Variants in ARFGEF2 observed in about 807,000 individuals in gnomAD.
ARFGEF2 encodes brefeldin A-inhibited guanine nucleotide-exchange protein 2.
Under a neutral mutation model 219.9 loss-of-function variants are expected in ARFGEF2, and 74 were observed. That is an observed-to-expected ratio of 0.34 (90% CI 0.28 to 0.41). ARFGEF2 has a LOEUF of 0.41. Ranked by LOEUF, ARFGEF2 falls within the 10% of genes least tolerant of loss-of-function variation. The pLI is 1.00. For synonymous variants in ARFGEF2, 733 were observed against 799.2 expected (o/e 0.92, Z 1.40); for missense variants, 1,743 against 2,218.3 (o/e 0.79, Z 4.30).
rs2091345584 is a variant in ARFGEF2, at chr20:48,989,570, A to G, written c.2700A>G (p.Pro900=). 1 of 1,614,130 alleles carries G rather than the reference A, an allele frequency of 6.2e-7. No homozygotes were observed. Among genetic ancestry groups the G allele is most frequent in the Non-Finnish European group, 8.5e-7 (1 of 1,180,054 alleles). The change falls in exon 20 of 39, where the codon CCA becomes CCG. Residue 900 remains proline (P), a synonymous_variant. Transcript: ENST00000371917. ...VRPMFKLVWT[P]LLAAYSIGLQ... is the part of the protein sequence containing the mutation. ...TTCCATGATAGCTGGTGTGGACGCC[A>G]CTATTGGCAGCCTACAGCATCGGAC... is the stretch of plus-strand genomic sequence containing the variant.
In ARFGEF2 at chr20:49,012,058, G is replaced by A. The variant is rs139037316; in HGVS notation, c.3892G>A (p.Gly1298Ser). The A allele has an allele frequency of 1.4e-3, 2,207 of 1,614,164 alleles. 4 individuals are homozygous for A. Among genetic ancestry groups the A allele is most frequent in the Non-Finnish European group, 1.4e-3 (1,664 of 1,180,036 alleles). Residue 1298 changes from glycine (G) to serine (S), a missense_variant, in exon 28 of 39, where the codon GGC becomes AGC. Physicochemically the swap from Gly to Ser is moderately conservative, Grantham distance 56. Coordinates refer to ENST00000371917, the MANE Select transcript of ARFGEF2 (RefSeq NM_006420.3). The part of the protein sequence containing the change: ...MEAIRLIRFC[G>S]KYVSERPRVL... ...AGCGATTCGGCTCATCCGCTTCTGTGGCAAATACGTCTCTGAGAGGCCTCG... is the reference window on the plus strand; with the variant it reads ...AGCGATTCGGCTCATCCGCTTCTGTAGCAAATACGTCTCTGAGAGGCCTCG...
At chr20:48,962,690 A>AT (rs1047032286) in intron 6 of ARFGEF2, among the ~76,000 whole-genome samples, 1 of 152,104 alleles carries the variant, frequency 6.6e-6, no homozygotes, top group Admixed American at 6.6e-5. Flanking sequence ...TAACATCAGT[A>AT]TTTCCCACAC....
chr20:48,993,065 T>G (rs776060687), intron 21 of ARFGEF2, among the ~76,000 whole-genome samples: 1 of 152,112 alleles, frequency 6.6e-6, no homozygotes, highest in African/African-American at 2.4e-5. Context: ...TAAAAAAATA[T>G]ATATTTTGAA....
intron 13 of ARFGEF2, 49 bp from the exon 14 acceptor site, chr20:48,975,967 C>T (rs1489461876): frequency 1.2e-6 from 2 of 1,603,874 alleles, no homozygotes; most frequent in Non-Finnish European, 1.7e-6. Flanking sequence ...TCGGCTGTGT[C>T]TGTGTCCCAC....
rs1170087235 is a variant in ARFGEF2 at position 49,033,145 on chromosome 20, A to G, written c.5304A>G (p.Ile1768Met). The stretch of plus-strand genomic sequence containing the variant: ...TACGGATAGGTGTTGTGTATAAGAT[A>G]TGGATACCAGAAGAGCCATCACAGG... ...FFLRIGVVYKIWIPEEPSQVP... is the reference protein window; with the variant it reads ...FFLRIGVVYKMWIPEEPSQVP... Residue 1768 changes from isoleucine (I) to methionine (M), a missense_variant, in exon 39 of 39, where the codon ATA becomes ATG. Physicochemically the swap from Ile to Met is conservative, Grantham distance 10 (BLOSUM62 1). This residue lies in a region of ARFGEF2 where 578 missense variants were observed against 664.0 expected (regional missense o/e 0.87). Transcript: ENST00000371917. 6.2e-7 allele frequency: 1 copy of G among 1,614,226 alleles called. No homozygotes were observed. Among genetic ancestry groups the G allele is most frequent in the Middle Eastern group, 1.6e-4 (1 of 6,062 alleles).
chr20:48,964,428 T>A (rs1220654220), intron 7 of ARFGEF2, among the ~76,000 whole-genome samples: 1 of 152,170 alleles, frequency 6.6e-6, no homozygotes, highest in Admixed American at 6.5e-5. Flanking sequence ...ATAGTCTGAC[T>A]GTGTTAGGCT....
chr20:48,999,765 A>G (rs957866531), intron 25 of ARFGEF2, among the ~76,000 whole-genome samples: 5 of 149,570 alleles, frequency 3.3e-5, no homozygotes, highest in Non-Finnish European at 4.5e-5. Flanking sequence ...AAAAAAAAAA[A>G]AAAGAAATGT....
At chr20:48,974,744 C>T (rs2091250501) in intron 12 of ARFGEF2, 22 bp from the exon 13 acceptor site, 3 of 1,595,912 alleles carry the variant, frequency 1.9e-6, no homozygotes, top group African/African-American at 1.3e-5. Context: ...AAGTCTCTTT[C>T]CTGTGTGACT....
chr20:48,935,025 T>C (rs989642275), intron 1 of ARFGEF2, among the ~76,000 whole-genome samples: 2 of 152,250 alleles, frequency 1.3e-5, no homozygotes, highest in African/African-American at 2.4e-5. Context: ...TGTTGTTTCC[T>C]GACTTGTTAA....
intron 1 of ARFGEF2, among the ~76,000 whole-genome samples, chr20:48,923,831 GA>G (rs2090859109): frequency 6.6e-6 from 1 of 152,228 alleles, no homozygotes; most frequent in Non-Finnish European, 1.5e-5. Context: ...TCTGGGTCAT[GA>G]AGGGCCATTA....
chr20:49,033,168 A>G lies in ARFGEF2; in HGVS notation c.5327A>G (p.Gln1776Arg). 6.2e-7 allele frequency: 1 copy of G among 1,614,240 alleles called. No homozygotes were observed. Among genetic ancestry groups the G allele is most frequent in the Non-Finnish European group, 8.5e-7 (1 of 1,180,032 alleles). ...YKIWIPEEPSQVPAALSPVW is the reference protein window; with the variant it reads ...YKIWIPEEPSRVPAALSPVW ...ATATGGATACCAGAAGAGCCATCAC[A>G]GGTACCAGCAGCACTGTCACCAGTG... Residue 1776 changes from glutamine (Q) to arginine (R), a missense_variant, in exon 39 of 39, where the codon CAG becomes CGG. Gln to Arg is a conservative substitution (Grantham distance 43). Around this residue, in one of 5 missense-constraint regions of ARFGEF2, gnomAD observed 578 missense variants for 664.0 expected, o/e 0.87. Transcript: ENST00000371917.
rs1006888454 is a variant in ARFGEF2, at chr20:48,994,701, T to C, written c.3121+103T>C. The C allele has an allele frequency of 7.2e-6, 11 of 1,518,442 alleles. No individual in the cohort carries two copies. In the African/African-American group the frequency reaches 1.4e-4, roughly 19 times the overall value. 94.1% of individuals were successfully genotyped at this position (1,518,442 alleles called of 1,614,324 possible). A position where few individuals can be genotyped will look rare whatever the true frequency, so the allele number is the denominator to read the frequency against. ...ACTGTCCTGTAAACCGTCTCTTCCT[T>C]TTGTGCCATCTGACAGTGTTCATGA... On this transcript the variant is annotated intron_variant, in intron 22 of 38. Transcript: ENST00000371917.
intron 11 of ARFGEF2, 33 bp downstream of exon 11, chr20:48,972,458 C>A (rs541458589): frequency 1.3e-6 from 2 of 1,482,766 alleles, no homozygotes; most frequent in African/African-American, 1.4e-5. Flanking sequence ...ATCCACTGGA[C>A]TTCTGATGCT....
chr20:48,942,473 G>GT (rs58144046), intron 3 of ARFGEF2, among the ~76,000 whole-genome samples: 1,570 of 73,532 alleles, frequency 0.021, 145 homozygotes, highest in Non-Finnish European at 0.028. Context: ...TTCTTACTTG[G>GT]TTTTTTTTTT....
intron 20 of ARFGEF2, among the ~76,000 whole-genome samples, chr20:48,990,269 C>A (rs2123463516): frequency 6.6e-6 from 1 of 152,258 alleles, no homozygotes; most frequent in Non-Finnish European, 1.5e-5. Flanking sequence ...GCCTAACTTG[C>A]CTGCTTTGGT....
At chr20:49,032,806 T>C (rs1271467795) in intron 38 of ARFGEF2, among the ~76,000 whole-genome samples, 1 of 152,056 alleles carries the variant, frequency 6.6e-6, no homozygotes, top group Non-Finnish European at 1.5e-5. Flanking sequence ...TTGCCTAGGC[T>C]GGTCTCGATC....
chr20:49,022,222 C>T (rs1212103889), intron 34 of ARFGEF2, among the ~76,000 whole-genome samples: 2 of 150,750 alleles, frequency 1.3e-5, no homozygotes. Context: ...AATAAAAGAC[C>T]ACTCTTAAGG....
intron 34 of ARFGEF2, among the ~76,000 whole-genome samples, chr20:49,022,266 AC>A (rs2091569910): frequency 6.6e-6 from 1 of 151,932 alleles, no homozygotes; most frequent in African/African-American, 2.4e-5. Flanking sequence ...AAGCAACAAA[AC>A]TGAGCTTCTT....
chr20:48,931,480 A>G (rs780165485), intron 1 of ARFGEF2, among the ~76,000 whole-genome samples: 3 of 152,182 alleles, frequency 2.0e-5, no homozygotes, highest in Non-Finnish European at 2.9e-5. Context: ...ATGAACTGAT[A>G]TATAATATGT....
Sources: allele counts gnomAD v4.1 joint callset (sites outside exome capture counted in the v4.1 genomes callset), GRCh38; gene constraint gnomAD v4.1.1; regional missense constraint gnomAD v4.1.1; transcripts MANE v1.5; gene names NCBI Gene and HGNC (gene_info 2026-07-23, HGNC 2026-07-21).